Variants in NAALADL2 observed in about 807,000 individuals in gnomAD.
NAALADL2 encodes the protein N-acetylated alpha-linked acidic dipeptidase like 2, also known as inactive N-acetylated-alpha-linked acidic dipeptidase-like protein 2.
A neutral mutation model predicts 87.2 loss-of-function variants in NAALADL2; 76 were observed. That is an observed-to-expected ratio of 0.87 (90% confidence interval 0.72 to 1.05). NAALADL2 has a LOEUF of 1.05. NAALADL2 is among the 50% of genes least tolerant of loss of function. The pLI is 0.00. For synonymous variants in NAALADL2, 354 were observed against 331.0 expected (o/e 1.07, Z -0.75); for missense variants, 1,089 against 945.8 (o/e 1.15, Z -1.99).
chr3:175,628,718 T>C (rs1727349744), intron 11 of NAALADL2, among the ~76,000 whole-genome samples: 1 of 149,524 alleles, frequency 6.7e-6, no homozygotes, highest in Non-Finnish European at 1.5e-5. Context: ...TCTTAAATCT[T>C]AGTGAAACTT....
chr3:174,815,830 GTTTTTTTTTTTTTT>G (rs10589968), intron 3 of NAALADL2, among the ~76,000 whole-genome samples: 1 of 115,202 alleles, frequency 8.7e-6, no homozygotes, highest in South Asian at 3.0e-4. Context: ...TTTGACTTTA[GTTTTTTTTTTTTTT>G]TTTTTTTTTT....
chr3:174,748,519 G>C (rs746574382), intron 3 of NAALADL2, among the ~76,000 whole-genome samples: 2 of 152,030 alleles, frequency 1.3e-5, no homozygotes, highest in South Asian at 2.1e-4. Context: ...AACTGTAAGG[G>C]AATAAATTCA....
intron 4 of NAALADL2, among the ~76,000 whole-genome samples, chr3:175,308,807 A>G (rs1429913774): frequency 1.3e-5 from 2 of 152,190 alleles, no homozygotes; most frequent in Non-Finnish European, 2.9e-5. Context: ...GTAATCTATA[A>G]ACTATACAGA....
chr3:174,715,752 G>C (rs1731126536), intron 2 of NAALADL2, among the ~76,000 whole-genome samples: 1 of 152,130 alleles, frequency 6.6e-6, no homozygotes, highest in Admixed American at 6.6e-5. Flanking sequence ...ATAGTAAATA[G>C]ACTAACAAAA....
intron 2 of NAALADL2, among the ~76,000 whole-genome samples, chr3:174,671,934 G>GATGATGATA (rs1726579362): frequency 6.7e-6 from 1 of 150,274 alleles, no homozygotes; most frequent in Admixed American, 6.7e-5. Context: ...CTACTGTGAT[G>GATGATGATA]ATGATGATGA....
exon 3 of NAALADL2, chr3:174,737,690 G>A (rs906328849): frequency 6.6e-6 from 1 of 152,176 alleles, no homozygotes; most frequent in Non-Finnish European, 1.5e-5. Flanking sequence ...GGTCCAGATT[G>A]TCAGTCTCCT....
chr3:174,827,674 T>G (rs769597657), intron 3 of NAALADL2, among the ~76,000 whole-genome samples: 14 of 152,198 alleles, frequency 9.2e-5, no homozygotes, highest in Non-Finnish European at 1.8e-4. Flanking sequence ...GTTCAATGTA[T>G]TGGGATATGG....
intron 2 of NAALADL2, among the ~76,000 whole-genome samples, chr3:175,178,303 T>C (rs756510309): frequency 6.6e-5 from 10 of 152,060 alleles, no homozygotes; most frequent in Non-Finnish European, 1.5e-4. Context: ...AAAGGGTACA[T>C]ATAATTTTGA....
At chr3:175,344,102 G>T (rs916271327) in intron 5 of NAALADL2, among the ~76,000 whole-genome samples, 1 of 152,120 alleles carries the variant, frequency 6.6e-6, no homozygotes, top group Non-Finnish European at 1.5e-5. Context: ...ATCATGGACT[G>T]CTTTTATAAA....
chr3:175,119,975 G>A lies in NAALADL2; in HGVS notation c.545+22684G>A, dbSNP rs73176747. On this transcript the variant is annotated intron_variant, in intron 2 of 13. Coordinates refer to ENST00000454872, the MANE Select transcript of NAALADL2 (RefSeq NM_207015.3). ...AACAAGGGTGAGAGGGGAAAGGCCGGTGTTGTAATGATTCTAATTATTGTT... is the reference window on the plus strand; with the variant it reads ...AACAAGGGTGAGAGGGGAAAGGCCGATGTTGTAATGATTCTAATTATTGTT... Among the ~76,000 whole-genome samples, 15 of 150,608 alleles carry A rather than the reference G, an allele frequency of 1.0e-4. 1 individual carries two copies. The highest frequency in any genetic ancestry group is 2.7e-4 in the Admixed American group (4 of 14,998).
intron 9 of NAALADL2, among the ~76,000 whole-genome samples, chr3:175,497,725 CTATTT>C (rs1314062678): frequency 6.6e-6 from 1 of 151,980 alleles, no homozygotes; most frequent in Non-Finnish European, 1.5e-5. Flanking sequence ...TGTTCAACTA[CTATTT>C]TAGTTAGAAA....
At chr3:174,444,173 C>A (rs188353451) in intron 1 of NAALADL2, among the ~76,000 whole-genome samples, 1 of 151,980 alleles carries the variant, frequency 6.6e-6, no homozygotes, top group Admixed American at 6.6e-5. Flanking sequence ...ATGCTGTTCA[C>A]GAGGAGGTGA....
chr3:175,679,939 A>C (rs1735358759), intron 11 of NAALADL2, among the ~76,000 whole-genome samples: 1 of 152,110 alleles, frequency 6.6e-6, no homozygotes, highest in Non-Finnish European at 1.5e-5. Flanking sequence ...GATAGGAAAA[A>C]GAAGGTGAGA....
chr3:175,422,793 A>C (rs1267045016), intron 5 of NAALADL2, among the ~76,000 whole-genome samples: 2 of 152,002 alleles, frequency 1.3e-5, no homozygotes, highest in African/African-American at 4.8e-5. Flanking sequence ...CACATAGTTC[A>C]TTCTAAATTC....
chr3:174,904,313 A>G (rs901081903), intron 1 of NAALADL2, among the ~76,000 whole-genome samples: 7 of 151,940 alleles, frequency 4.6e-5, no homozygotes, highest in African/African-American at 1.4e-4. Context: ...CAACTTATTA[A>G]GAATCTGAGT....
chr3:175,726,215 A>G (rs921856716), intron 11 of NAALADL2, among the ~76,000 whole-genome samples: 1 of 151,536 alleles, frequency 6.6e-6, no homozygotes, highest in East Asian at 1.9e-4. Flanking sequence ...TTAATAACAG[A>G]TAGGTGATGA....
intron 9 of NAALADL2, among the ~76,000 whole-genome samples, chr3:175,521,402 C>T (rs545085656): frequency 3.0e-4 from 45 of 151,726 alleles, no homozygotes; most frequent in Non-Finnish European, 5.7e-4. Context: ...TTAATTAGTT[C>T]TAACTTTTTT....
intron 3 of NAALADL2, among the ~76,000 whole-genome samples, chr3:174,838,701 C>T (rs1723655027): frequency 6.6e-6 from 1 of 152,060 alleles, no homozygotes; most frequent in African/African-American, 2.4e-5. Context: ...ACACCAATAG[C>T]GACCAATTGG....
At chr3:174,688,211 C>G (rs1228294541) in intron 2 of NAALADL2, among the ~76,000 whole-genome samples, 1 of 152,044 alleles carries the variant, frequency 6.6e-6, no homozygotes, top group African/African-American at 2.4e-5. Context: ...TTGGATAAAC[C>G]ATTTAGCTTA....
Sources: gnomAD v4.1 joint callset for allele counts (sites outside exome capture counted in the v4.1 genomes callset) on GRCh38, gnomAD v4.1.1 for gene constraint, MANE v1.5 for transcripts, NCBI Gene and HGNC (gene_info 2026-07-23, HGNC 2026-07-21) for gene names.